The following SBF2 variants were observed in gnomAD, a reference collection of about 807,000 sequenced individuals.
SBF2 encodes SET binding factor 2, also known as myotubularin-related protein 13.
In SBF2, 112 loss-of-function variants were observed where a neutral mutation model predicts 225.2. The ratio of observed to expected loss-of-function variants is 0.50; its 90% CI spans 0.43 to 0.58. SBF2 has a LOEUF of 0.58. SBF2 is among the 20% of genes least tolerant of loss of function. SBF2 has a pLI of 0.00. For missense variants in SBF2, 1,996 were observed against 2,206.2 expected, an observed-to-expected ratio of 0.90 and a Z score of 1.91; for synonymous variants, 763 against 773.3, an observed-to-expected ratio of 0.99 and a Z score of 0.22.
rs548763029 is a variant in SBF2, at chr11:10,133,449, C to T, written c.141+60453G>A. On this transcript the variant is annotated intron_variant, in intron 2 of 39. Transcript: ENST00000256190. ...GGGCTGCAGGTCCCGAGCCCTGCCC[C>T]GTGGGAGGGCAGCCAAGGCCCAGCG... 1.8e-3 allele frequency among the ~76,000 whole-genome samples: 261 copies of T among 147,146 alleles called. 17 individuals are homozygous for T. Among genetic ancestry groups the T allele is most frequent in the Non-Finnish European group, 2.9e-3 (190 of 66,204 alleles).
intron 1 of SBF2, among the ~76,000 whole-genome samples, chr11:10,211,013 T>TAAAAAAAAAAAAAAAA (rs1323314468): frequency 1.0e-3 from 1 of 986 alleles, no homozygotes; most frequent in Non-Finnish European, 6.4e-3. Flanking sequence ...GACTCTTGAC[T>TAAAAAAAAAAAAAAAA]CAAAAAAAAA....
intron 1 of SBF2, among the ~76,000 whole-genome samples, chr11:10,279,451 T>C (rs1963242779): frequency 6.6e-6 from 1 of 151,808 alleles, no homozygotes; most frequent in African/African-American, 2.4e-5. Flanking sequence ...AGGTTAGGTC[T>C]CTTGGAATTC....
At chr11:10,028,990 A>G (rs1172053655) in intron 5 of SBF2, among the ~76,000 whole-genome samples, 1 of 152,170 alleles carries the variant, frequency 6.6e-6, no homozygotes, top group East Asian at 1.9e-4. Context: ...ATTTAAGACA[A>G]AAGACAATGA....
intron 16 of SBF2, among the ~76,000 whole-genome samples, chr11:9,910,302 G>A (rs1862493442): frequency 6.6e-6 from 1 of 152,148 alleles, no homozygotes. Context: ...AGACATTTGG[G>A]CTGATGTTGG....
At chr11:9,812,005 T>C (rs1854212802) in intron 30 of SBF2, among the ~76,000 whole-genome samples, 1 of 152,084 alleles carries the variant, frequency 6.6e-6, no homozygotes, top group Non-Finnish European at 1.5e-5. Flanking sequence ...TATCCCAAAG[T>C]TGACTGAACT....
At chr11:10,081,970 C>A (rs975423442) in intron 2 of SBF2, among the ~76,000 whole-genome samples, 10 of 151,610 alleles carry the variant, frequency 6.6e-5, no homozygotes, top group African/African-American at 2.2e-4. Flanking sequence ...AAAATATAAA[C>A]AAAATTGATA....
At chr11:10,184,253 T>G (rs552227472) in intron 2 of SBF2, among the ~76,000 whole-genome samples, 1 of 152,354 alleles carries the variant, frequency 6.6e-6, no homozygotes, top group East Asian at 1.9e-4. Flanking sequence ...ACCATGGATC[T>G]ACATGTCTAT....
chr11:10,154,408 G>A (rs930884767), intron 2 of SBF2, among the ~76,000 whole-genome samples: 3 of 151,880 alleles, frequency 2.0e-5, no homozygotes, highest in Non-Finnish European at 2.9e-5. Flanking sequence ...TTTAGTTCAC[G>A]AATTTTCTTC....
intron 16 of SBF2, among the ~76,000 whole-genome samples, chr11:9,904,616 G>A (rs1435495555): frequency 6.6e-6 from 1 of 152,174 alleles, no homozygotes. Flanking sequence ...TAATAGATAT[G>A]TATAGAACAC....
chr11:10,099,535 G>C (rs1223189399), intron 2 of SBF2, among the ~76,000 whole-genome samples: 3 of 152,078 alleles, frequency 2.0e-5, no homozygotes, highest in African/African-American at 7.2e-5. Flanking sequence ...AACTGGTAAA[G>C]GTAAGTAGAT....
At chr11:9,877,968 C>T (rs561632144) in intron 17 of SBF2, among the ~76,000 whole-genome samples, 5 of 152,308 alleles carry the variant, frequency 3.3e-5, no homozygotes, top group South Asian at 4.1e-4. Context: ...TAAGGAATCA[C>T]CACACTGTCT....
upstream of SBF2, among the ~76,000 whole-genome samples, chr11:10,299,206 C>T (rs1449222262): frequency 1.3e-5 from 2 of 151,826 alleles, no homozygotes; most frequent in Non-Finnish European, 2.9e-5. Flanking sequence ...GGAGTGGTGG[C>T]GGGCACCTGT....
chr11:9,982,705 G>A (rs1337037173), intron 13 of SBF2, among the ~76,000 whole-genome samples: 3 of 152,138 alleles, frequency 2.0e-5, no homozygotes, highest in Non-Finnish European at 2.9e-5. Context: ...ACAGATCCTC[G>A]GAAGGAAGTG....
intron 28 of SBF2, among the ~76,000 whole-genome samples, chr11:9,824,289 T>G (rs1159082744): frequency 6.6e-6 from 1 of 152,162 alleles, no homozygotes; most frequent in Non-Finnish European, 1.5e-5. Flanking sequence ...CCGGGTGCAG[T>G]GGCTCACACC....
At chr11:10,095,058 G>C (rs762290148) in intron 2 of SBF2, among the ~76,000 whole-genome samples, 1 of 151,800 alleles carries the variant, frequency 6.6e-6, no homozygotes, top group Non-Finnish European at 1.5e-5. Flanking sequence ...GAGTAGCTGG[G>C]ACTATACAGG....
At chr11:10,008,204 G>A (rs1199429953) in intron 6 of SBF2, among the ~76,000 whole-genome samples, 1 of 152,112 alleles carries the variant, frequency 6.6e-6, no homozygotes, top group Non-Finnish European at 1.5e-5. Flanking sequence ...CAGAACAAAG[G>A]CTGTGAACTA....
chr11:10,099,730 A>G (rs1330147128), intron 2 of SBF2, among the ~76,000 whole-genome samples: 2 of 152,190 alleles, frequency 1.3e-5, no homozygotes, highest in African/African-American at 2.4e-5. Flanking sequence ...AAAAGTGCAG[A>G]GTTTTTGTAT....
At chr11:10,269,321 G>C (rs1962273453) in intron 1 of SBF2, among the ~76,000 whole-genome samples, 1 of 152,174 alleles carries the variant, frequency 6.6e-6, no homozygotes, top group East Asian at 1.9e-4. Context: ...AGTCATCCTA[G>C]TGGGAAAAGA....
intron 2 of SBF2, among the ~76,000 whole-genome samples, chr11:10,108,515 C>CTTTTTTTTTTTTTT (rs34189666): frequency 4.8e-5 from 4 of 83,462 alleles, no homozygotes; most frequent in Non-Finnish European, 8.8e-5. Flanking sequence ...TAATAGTTAA[C>CTTTTTTTTTTTTTT]TTTTTTTTTT....
Sources: gnomAD v4.1 joint callset for allele counts (sites outside exome capture counted in the v4.1 genomes callset) on GRCh38, gnomAD v4.1.1 for gene constraint, MANE v1.5 for transcripts, NCBI Gene and HGNC (gene_info 2026-07-23, HGNC 2026-07-21) for gene names.